Variants in ARMCX4 observed in about 807,000 individuals in gnomAD.
The protein encoded by ARMCX4 is armadillo repeat containing X-linked 4.
A neutral mutation model predicts 34.7 loss-of-function variants in ARMCX4; 3 were observed. The observed-to-expected ratio is 0.09, with a 90% CI of 0.04 to 0.22. The LOEUF (loss-of-function observed/expected upper bound fraction) is 0.22. Ranked by LOEUF, ARMCX4 falls within the 10% of genes least tolerant of loss-of-function variation. The pLI is 1.00. For missense variants in ARMCX4, 1,448 were observed against 1,720.8 expected (o/e 0.84, Z 2.81); for synonymous variants, 513 against 632.8 (o/e 0.81, Z 2.84).
intron 11 of ARMCX4, among the ~76,000 whole-genome samples, chrX:101,513,160 A>G (rs184908676): frequency 2.5e-4 from 28 of 111,076 alleles, no homozygotes; most frequent in African/African-American, 8.8e-4. Context: ...ACAATGAAAA[A>G]CAATCCATTG....
At chrX:101,526,971 A>C (rs1392993940) in intron 11 of ARMCX4, among the ~76,000 whole-genome samples, 1 of 111,830 alleles carries the variant, frequency 8.9e-6, no homozygotes, top group African/African-American at 3.3e-5. Flanking sequence ...TCAGCTCTGC[A>C]CCAAGCGGAC....
intron 4 of ARMCX4, among the ~76,000 whole-genome samples, chrX:101,460,089 A>G (rs1932538681): frequency 8.9e-6 from 1 of 112,919 alleles, no homozygotes; most frequent in Admixed American, 9.4e-5. Flanking sequence ...CTAATAGACA[A>G]ACAAACAAAT....
In ARMCX4 at chrX:101,490,823, C is replaced by T. The variant is rs1556008640; in HGVS notation, c.2234C>T (p.Thr745Ile). ...VPNSGVGPYTTDSARLQAVAN... is the reference protein window; with the variant it reads ...VPNSGVGPYTIDSARLQAVAN... ...AATTCAGGGGTTGGGCCATATACAACAGACTCTGCCCGGCTCCAGGCTGTG... is the reference window on the plus strand; with the variant it reads ...AATTCAGGGGTTGGGCCATATACAATAGACTCTGCCCGGCTCCAGGCTGTG... Residue 745 changes from threonine to isoleucine, a missense_variant, in exon 6 of 6, where the codon ACA (threonine) becomes ATA (isoleucine). Physicochemically the swap from Thr to Ile is moderately conservative, Grantham distance 89 (BLOSUM62 -1). Coordinates refer to ENST00000423738, the MANE Select transcript of ARMCX4 (RefSeq NM_001256155.3). 2.7e-6 allele frequency: 3 copies of T among 1,107,722 alleles called. No homozygotes were observed. The highest frequency in any genetic ancestry group is 4.0e-5 in the South Asian group (2 of 49,569). 91.3% of individuals were successfully genotyped at this position (1,107,722 alleles called of 1,213,427 possible).
At chrX:101,432,951 CAT>C (rs1159857048) in intron 2 of ARMCX4, among the ~76,000 whole-genome samples, 24 of 71,166 alleles carry the variant, frequency 3.4e-4, no homozygotes, top group African/African-American at 7.4e-4. Flanking sequence ...TATATACACA[CAT>C]GTATACATAT....
intron 2 of ARMCX4, among the ~76,000 whole-genome samples, chrX:101,427,417 G>C (rs1466931203): frequency 9.2e-6 from 1 of 109,199 alleles, no homozygotes. Context: ...TTGCTCTGTC[G>C]CCCAGGCTGG....
intron 2 of ARMCX4, among the ~76,000 whole-genome samples, chrX:101,436,419 G>A (rs781993292): frequency 7.3e-5 from 8 of 109,753 alleles, no homozygotes; most frequent in African/African-American, 2.6e-4. Context: ...GTGAATGGGA[G>A]TTCACTCATG....
At chrX:101,498,573 T>G (rs1934230274), downstream of ARMCX4, 1 of 117,435 alleles carries the variant, frequency 8.5e-6, no homozygotes, top group Admixed American at 8.9e-5. Context: ...AATCAACAAT[T>G]GAAAGCTATG....
intron 4 of ARMCX4, among the ~76,000 whole-genome samples, chrX:101,475,133 A>G (rs1297336110): frequency 1.8e-5 from 2 of 110,020 alleles, no homozygotes; most frequent in Non-Finnish European, 1.9e-5. Flanking sequence ...GCATAGTGAA[A>G]CCTCATCTCT....
chrX:101,492,625 G>A lies in ARMCX4; in HGVS notation c.4036G>A (p.Asp1346Asn), dbSNP rs782352921. The A allele has an allele frequency of 1.4e-5, 16 of 1,126,772 alleles. No individual in the cohort carries two copies. The African/African-American group carries it at 2.4e-4, about 17-fold the overall frequency. The allele number at this position is 1,126,772 out of a possible 1,213,427, so 92.9% of individuals were successfully genotyped here. A position where few individuals can be genotyped will look rare whatever the true frequency, so the allele number is the denominator to read the frequency against. The part of the protein sequence containing the change: ...ASGGSMLGPE[D>N]QSSGRSWADT... ...TGGAGGGTCAATGTTGGGGCCTGAGGACCAGTCCAGTGGAAGGTCTTGGGC... is the reference window on the plus strand; with the variant it reads ...TGGAGGGTCAATGTTGGGGCCTGAGAACCAGTCCAGTGGAAGGTCTTGGGC... The change falls in exon 6 of 6, where the codon GAC (aspartate) becomes AAC (asparagine). Residue 1346 changes from aspartate (D) to asparagine (N), a missense_variant. Coordinates refer to ENST00000423738, the MANE Select transcript of ARMCX4 (RefSeq NM_001256155.3).
chrX:101,431,835 G>A (rs1427801148), intron 2 of ARMCX4, among the ~76,000 whole-genome samples: 3 of 112,404 alleles, frequency 2.7e-5, no homozygotes, highest in East Asian at 2.8e-4. Context: ...GAGCCACCAC[G>A]CCTGGCCTGC....
Position 101,489,903 on chromosome X carries a change from C to T in ARMCX4, c.1314C>T (p.Ala438=), listed in dbSNP as rs1461660271. The T allele has an allele frequency of 3.0e-5, 35 of 1,154,667 alleles. No individual in the cohort carries two copies. Among genetic ancestry groups the T allele is most frequent in the South Asian group, 3.8e-5 (2 of 52,611 alleles). ...TKAGAKANLR[A]NSQVEALPDA... The stretch of plus-strand genomic sequence containing the variant: ...CAGGGGCCAAGGCAAACTTGAGGGC[C>T]AATTCCCAGGTTGAGGCCTTGCCTG... Residue 438 remains alanine, a synonymous_variant, in exon 6 of 6, where the codon GCC becomes GCT. Coordinates refer to ENST00000423738, the MANE Select transcript of ARMCX4 (RefSeq NM_001256155.3).
downstream of ARMCX4, among the ~76,000 whole-genome samples, chrX:101,446,542 C>T (rs1931645983): frequency 2.7e-5 from 3 of 111,751 alleles, no homozygotes; most frequent in South Asian, 3.7e-4. Flanking sequence ...AACTTACCCC[C>T]GAACTTAGCT....
At chrX:101,475,315 A>G (rs1363729292) in intron 4 of ARMCX4, among the ~76,000 whole-genome samples, 3 of 110,817 alleles carry the variant, frequency 2.7e-5, no homozygotes, top group African/African-American at 9.9e-5. Context: ...TCCTTTCTAA[A>G]TAAATAAATA....
intron 11 of ARMCX4, among the ~76,000 whole-genome samples, chrX:101,520,760 C>T (rs996679251): frequency 9.9e-5 from 11 of 110,584 alleles, no homozygotes; most frequent in Admixed American, 6.8e-4. Context: ...GTAATACTGG[C>T]CTTACAGGAT....
At chrX:101,433,103 C>T (rs182540409) in intron 2 of ARMCX4, among the ~76,000 whole-genome samples, 16 of 106,951 alleles carry the variant, frequency 1.5e-4, no homozygotes, top group South Asian at 3.8e-4. Flanking sequence ...TGTATACATA[C>T]GCACGTATAC....
intron 2 of ARMCX4, among the ~76,000 whole-genome samples, chrX:101,427,356 A>G (rs782660209): frequency 1.9e-4 from 21 of 110,541 alleles, no homozygotes; most frequent in Non-Finnish European, 3.8e-4. Flanking sequence ...GCATGGCCTC[A>G]GCTTCTGGTG....
chrX:101,488,884 G>C lies in ARMCX4; in HGVS notation c.295G>C (p.Ala99Pro). 8.6e-7 allele frequency: 1 copy of C among 1,156,158 alleles called. No individual in the cohort carries two copies. The highest frequency in any genetic ancestry group is 1.1e-6 in the Non-Finnish European group (1 of 872,999). ...GGCCACTGCTATAGCCATACACAGAGCCAACTCTCAGGCCAAGGCAATGGT... is the reference window on the plus strand; with the variant it reads ...GGCCACTGCTATAGCCATACACAGACCCAACTCTCAGGCCAAGGCAATGGT... ...TKATAIAIHRANSQAKAMVGA... is the reference protein window; with the variant it reads ...TKATAIAIHRPNSQAKAMVGA... The change falls in exon 6 of 6, where the codon GCC becomes CCC. Residue 99 changes from alanine to proline, a missense_variant. Ala to Pro is a conservative substitution (Grantham distance 27, BLOSUM62 -1). This residue lies in a region of ARMCX4 where 1,343 missense variants were observed against 1,540.7 expected (regional missense o/e 0.87). Coordinates refer to ENST00000423738, the MANE Select transcript of ARMCX4 (RefSeq NM_001256155.3).
intron 7 of ARMCX4, among the ~76,000 whole-genome samples, chrX:101,502,508 G>T (rs1162822141): frequency 9.0e-6 from 1 of 111,678 alleles, no homozygotes; most frequent in African/African-American, 3.3e-5. Flanking sequence ...CCAAAGTGCT[G>T]GGATTAGAGG....
intron 11 of ARMCX4, among the ~76,000 whole-genome samples, chrX:101,527,654 C>T (rs1189325278): frequency 9.0e-6 from 1 of 111,013 alleles, no homozygotes; most frequent in African/African-American, 3.3e-5. Context: ...GGGATATCAC[C>T]ACCGATCCCA....
Sources: gnomAD v4.1 joint callset for allele counts (sites outside exome capture counted in the v4.1 genomes callset) on GRCh38, gnomAD v4.1.1 for gene constraint, gnomAD v4.1.1 regional missense constraint, MANE v1.5 for transcripts, NCBI Gene and HGNC (gene_info 2026-07-23, HGNC 2026-07-21) for gene names.